Variants in MLLT10 observed in about 807,000 individuals in gnomAD.
MLLT10 encodes MLLT10 histone lysine methyltransferase DOT1L cofactor.
Under a neutral mutation model 129.1 loss-of-function variants are expected in MLLT10, and 30 were observed. That is an observed-to-expected ratio of 0.23 (90% CI 0.17 to 0.32). The LOEUF (loss-of-function observed/expected upper bound fraction) is 0.32, where lower values mean the gene tolerates loss of function less well. MLLT10 is among the 10% of genes least tolerant of loss of function. MLLT10 has a pLI of 1.00. For missense variants in MLLT10, 1,119 were observed against 1,268.3 expected, an observed-to-expected ratio of 0.88 and a Z score of 1.79; for synonymous variants, 490 against 446.4, an observed-to-expected ratio of 1.10 and a Z score of -1.23.
At chr10:21,726,131 AT>A (rs1462543384) in intron 14 of MLLT10, 112 bp from the exon 15 acceptor site, 12 of 717,236 alleles carry the variant, frequency 1.7e-5, no homozygotes, top group Non-Finnish European at 2.7e-5. Context: ...AAGGTCACAA[AT>A]TTTGCTTATA....
chr10:21,558,774 A>G (rs762782169), intron 3 of MLLT10, among the ~76,000 whole-genome samples: 41 of 152,108 alleles, frequency 2.7e-4, no homozygotes, highest in Non-Finnish European at 5.3e-4. Context: ...CAGTGGCACT[A>G]TGTCATAAAT....
chr10:21,588,397 T>C (rs2042200054), intron 4 of MLLT10, among the ~76,000 whole-genome samples: 1 of 151,982 alleles, frequency 6.6e-6, no homozygotes, highest in Non-Finnish European at 1.5e-5. Flanking sequence ...AGTATAGAGC[T>C]TTTTTTTCTT....
At chr10:21,660,837 C>T (rs1185997313) in intron 9 of MLLT10, among the ~76,000 whole-genome samples, 3 of 142,600 alleles carry the variant, frequency 2.1e-5, no homozygotes, top group African/African-American at 5.2e-5. Context: ...AGCGTCATTG[C>T]GCTCTAGCCT....
chr10:21,675,687 G>A lies in MLLT10; in HGVS notation c.1621+1768G>A, dbSNP rs561187417. On this transcript the variant is annotated intron_variant, in intron 11 of 22. Coordinates refer to ENST00000307729, the MANE Select transcript of MLLT10 (RefSeq NM_001195626.3). ...AATTTCTCTTCATTTTTAGCAAGAG[G>A]CGTAGTAATCAATCACATGAGTACC... is the stretch of plus-strand genomic sequence containing the variant. Among the ~76,000 whole-genome samples, 11 of 152,234 alleles carry A rather than the reference G, an allele frequency of 7.2e-5. No individual in the cohort carries two copies. The Middle Eastern group carries it at 0.024, about 330-fold the overall frequency.
At chr10:21,574,116 G>C (rs1376166874) in intron 3 of MLLT10, among the ~76,000 whole-genome samples, 1 of 152,120 alleles carries the variant, frequency 6.6e-6, no homozygotes, top group Non-Finnish European at 1.5e-5. Flanking sequence ...TCTGAGTCTA[G>C]AGTTTTCTTT....
chr10:21,675,867 TTGATTTACATCCC>T (rs1432793605), intron 11 of MLLT10, among the ~76,000 whole-genome samples: 1 of 152,204 alleles, frequency 6.6e-6, no homozygotes, highest in African/African-American at 2.4e-5. Context: ...AATTAAGATA[TTGATTTACATCCC>T]TGAAAATATT....
intron 8 of MLLT10, among the ~76,000 whole-genome samples, chr10:21,637,966 C>G (rs947463497): frequency 6.6e-6 from 1 of 152,242 alleles, no homozygotes; most frequent in African/African-American, 2.4e-5. Flanking sequence ...ACCCCTGGTA[C>G]CTTTGAGTCC....
At chr10:21,626,266 A>G in intron 8 of MLLT10, 2 of 1,497,346 alleles carry the variant, frequency 1.3e-6, no homozygotes, top group South Asian at 1.1e-5. Context: ...TTTCATCAAG[A>G]TCGATACAAG....
chr10:21,735,017 T>G (rs1437485071), intron 20 of MLLT10, 122 bp from the exon 21 acceptor site: 2 of 668,946 alleles, frequency 3.0e-6, no homozygotes, highest in African/African-American at 2.3e-5. Context: ...TTCAGAGTGT[T>G]TGGATTCAGA....
At chr10:21,700,127 A>G (rs1427872751) in intron 13 of MLLT10, among the ~76,000 whole-genome samples, 1 of 149,742 alleles carries the variant, frequency 6.7e-6, no homozygotes, top group Non-Finnish European at 1.5e-5. Context: ...TTTTTTTTAA[A>G]CACTATAGTA....
intron 8 of MLLT10, among the ~76,000 whole-genome samples, chr10:21,651,335 G>A (rs1589436301): frequency 6.6e-6 from 1 of 152,148 alleles, no homozygotes; most frequent in Non-Finnish European, 1.5e-5. Context: ...TTCCCAAAGT[G>A]CTGGGATTAC....
At chr10:21,551,511 A>G (rs530309279) in intron 3 of MLLT10, among the ~76,000 whole-genome samples, 9 of 151,784 alleles carry the variant, frequency 5.9e-5, no homozygotes, top group African/African-American at 2.2e-4. Context: ...AAAAATTAAC[A>G]CATTTGGTGC....
intron 9 of MLLT10, among the ~76,000 whole-genome samples, chr10:21,652,175 G>T (rs1003261567): frequency 1.3e-5 from 2 of 152,022 alleles, no homozygotes; most frequent in Non-Finnish European, 2.9e-5. Context: ...GCCTCCCAAA[G>T]TGCTGGGATT....
intron 13 of MLLT10, 45 bp downstream of exon 13, chr10:21,682,302 G>A (rs2052818796): frequency 6.4e-7 from 1 of 1,560,986 alleles, no homozygotes; most frequent in South Asian, 1.2e-5. Context: ...TTATCACAAA[G>A]GTTGCCTTTT....
At chr10:21,621,636 C>A (rs1225905887) in intron 8 of MLLT10, among the ~76,000 whole-genome samples, 1 of 146,742 alleles carries the variant, frequency 6.8e-6, no homozygotes, top group Non-Finnish European at 1.5e-5. Flanking sequence ...GCCCCCAATC[C>A]CACTGGCGCC....
At chr10:21,579,164 T>C (rs2041105892) in intron 3 of MLLT10, among the ~76,000 whole-genome samples, 1 of 152,220 alleles carries the variant, frequency 6.6e-6, no homozygotes, top group Admixed American at 6.5e-5. Context: ...CTCTTAGCAA[T>C]TTAAGTATTT....
intron 8 of MLLT10, among the ~76,000 whole-genome samples, chr10:21,644,095 C>G (rs934456276): frequency 6.6e-6 from 1 of 152,150 alleles, no homozygotes; most frequent in African/African-American, 2.4e-5. Context: ...TATCTCCCTT[C>G]TTACCTTTTC....
At chr10:21,602,850 C>T (rs898607970) in intron 5 of MLLT10, among the ~76,000 whole-genome samples, 7 of 152,042 alleles carry the variant, frequency 4.6e-5, no homozygotes, top group Non-Finnish European at 1.0e-4. Context: ...CTGCCTCAGC[C>T]TCCCGAGTAG....
chr10:21,674,749 CCTTT>C (rs1302440101), intron 11 of MLLT10, among the ~76,000 whole-genome samples: 1 of 152,028 alleles, frequency 6.6e-6, no homozygotes, highest in Admixed American at 6.6e-5. Context: ...AATGTTGAAA[CCTTT>C]CTTCTAGTTT....
Sources: allele counts gnomAD v4.1 joint callset (sites outside exome capture counted in the v4.1 genomes callset), GRCh38; gene constraint gnomAD v4.1.1; transcripts MANE v1.5; gene names NCBI Gene and HGNC (gene_info 2026-07-23, HGNC 2026-07-21).